KAT6B: variants seen among roughly 807,000 people sequenced by gnomAD.
KAT6B encodes the protein lysine acetyltransferase 6B.
In KAT6B, 10 loss-of-function variants were observed where a neutral mutation model predicts 187.5. The observed-to-expected ratio is 0.05, with a 90% confidence interval of 0.03 to 0.09. The LOEUF (loss-of-function observed/expected upper bound fraction) is 0.09. Among genes scored for constraint, KAT6B ranks in the 10% least tolerant of loss-of-function variants. KAT6B has a pLI of 1.00. For missense variants in KAT6B, 1,952 were observed against 2,558.9 expected, an observed-to-expected ratio of 0.76 and a Z score of 5.12; for synonymous variants, 861 against 926.8, an observed-to-expected ratio of 0.93 and a Z score of 1.29.
intron 3 of KAT6B, among the ~76,000 whole-genome samples, chr10:74,852,911 T>G (rs1208341553): frequency 6.6e-6 from 1 of 152,142 alleles, no homozygotes; most frequent in African/African-American, 2.4e-5. Context: ...GCTAAGAAAA[T>G]CTATATTCTG....
At chr10:74,925,642 A>G (rs2133107455) in intron 3 of KAT6B, among the ~76,000 whole-genome samples, 1 of 152,308 alleles carries the variant, frequency 6.6e-6, no homozygotes, top group Admixed American at 6.5e-5. Flanking sequence ...AAAATTGTCT[A>G]TACAAGTTGA....
intron 1 of KAT6B, among the ~76,000 whole-genome samples, chr10:74,832,101 T>G (rs905424339): frequency 1.3e-5 from 2 of 152,232 alleles, no homozygotes; most frequent in African/African-American, 4.8e-5. Context: ...CCTTAAGTGG[T>G]CCATGGCTGG....
At chr10:74,989,187 C>A (rs1842981432) in intron 13 of KAT6B, 75 bp downstream of exon 13, 2 of 1,015,570 alleles carry the variant, frequency 2.0e-6, no homozygotes, top group Admixed American at 1.7e-5. Context: ...AAATATAAAA[C>A]TTTATTTAAC....
chr10:74,919,091 C>G (rs1386174143), intron 3 of KAT6B, among the ~76,000 whole-genome samples: 1 of 151,136 alleles, frequency 6.6e-6, no homozygotes, highest in Admixed American at 6.6e-5. Flanking sequence ...GGCGTGGTGG[C>G]AGGTGCCTGT....
intron 13 of KAT6B, among the ~76,000 whole-genome samples, chr10:74,990,679 G>T (rs1843079544): frequency 6.6e-6 from 1 of 152,098 alleles, no homozygotes; most frequent in South Asian, 2.1e-4. Context: ...TTTTTATAGA[G>T]TCCTAGCTGT....
At position 74,912,375 on chromosome 10, in the gene KAT6B, G is replaced by GGATAGATAGATAGATAGATA. The variant is rs35051764; in HGVS notation, c.622-47576_622-47557dup. On this transcript the variant is annotated intron_variant, in intron 3 of 17. Coordinates refer to ENST00000287239, the MANE Select transcript of KAT6B (RefSeq NM_012330.4). Reference sequence around the variant, plus strand: ...GGATGGATAGATTAAATGGATGGATGGATAGATAGATAGATAGATAGATAG... The same window carrying GGATAGATAGATAGATAGATA: ...GGATGGATAGATTAAATGGATGGATGGATAGATAGATAGATAGATAGATAGATAGATAGATAGATAGATAG... Among the ~76,000 whole-genome samples, 1,386 of 145,618 alleles carry GGATAGATAGATAGATAGATA rather than the reference G, an allele frequency of 9.5e-3. 12 individuals are homozygous for GGATAGATAGATAGATAGATA. The highest frequency in any genetic ancestry group is 0.012 in the East Asian group (61 of 4,928).
At chr10:74,832,020 C>CTT in intron 1 of KAT6B, among the ~76,000 whole-genome samples, 1 of 152,308 alleles carries the variant, frequency 6.6e-6, no homozygotes, top group South Asian at 2.1e-4. Context: ...ATGTAACATG[C>CTT]CTTAAGTAAA....
intron 3 of KAT6B, among the ~76,000 whole-genome samples, chr10:74,850,336 A>G (rs143855011): frequency 1.1e-3 from 161 of 152,336 alleles, no homozygotes; most frequent in African/African-American, 3.3e-3. Flanking sequence ...AGTAGATACT[A>G]TTTATAATAT....
At chr10:74,877,337 A>G (rs188306869) in intron 3 of KAT6B, among the ~76,000 whole-genome samples, 14 of 152,366 alleles carry the variant, frequency 9.2e-5, no homozygotes, top group Admixed American at 3.9e-4. Flanking sequence ...AAAATGTATC[A>G]AAATAATTTA....
intron 16 of KAT6B, chr10:75,023,891 AGTTTACCT>A (rs1845623439): frequency 6.6e-6 from 1 of 152,180 alleles, no homozygotes; most frequent in South Asian, 2.1e-4. Flanking sequence ...AATTGAATAC[AGTTTACCT>A]GAAGGTTAGC....
intron 11 of KAT6B, 164 bp downstream of exon 11, chr10:74,982,092 C>A (rs1842549917): frequency 1.6e-6 from 1 of 637,330 alleles, no homozygotes. Context: ...GTTTATCTAA[C>A]CATATTAAGC....
intron 3 of KAT6B, among the ~76,000 whole-genome samples, chr10:74,860,865 C>T (rs926435217): frequency 6.6e-6 from 1 of 152,060 alleles, no homozygotes; most frequent in African/African-American, 2.4e-5. Flanking sequence ...GGGCCAGGCG[C>T]AGTGGCTCAC....
At chr10:74,993,982 A>G (rs1843267997) in intron 13 of KAT6B, among the ~76,000 whole-genome samples, 1 of 152,168 alleles carries the variant, frequency 6.6e-6, no homozygotes, top group Non-Finnish European at 1.5e-5. Flanking sequence ...TTCGCTTTGT[A>G]ATCAGTAAGC....
At chr10:74,878,026 C>T (rs1844551599) in intron 3 of KAT6B, among the ~76,000 whole-genome samples, 1 of 152,026 alleles carries the variant, frequency 6.6e-6, no homozygotes, top group African/African-American at 2.4e-5. Context: ...TGATGCTAAA[C>T]CCCTGTCCAA....
In KAT6B at chr10:74,980,623, G is replaced by A. The variant is rs773859766; in HGVS notation, c.2232-1164G>A. 9.2e-5 allele frequency among the ~76,000 whole-genome samples: 14 copies of A among 152,348 alleles called. No individual in the cohort carries two copies. The South Asian group carries it at 1.9e-3, about 20-fold the overall frequency. ...TTGTACATAAGTGCAAGATTTGAAA[G>A]TAGTCTCACCTGTGTCTGCCTCTCT... On this transcript the variant is annotated intron_variant, in intron 10 of 17. Coordinates refer to ENST00000287239, the MANE Select transcript of KAT6B (RefSeq NM_012330.4).
At chr10:75,004,554 G>T (rs1312530764) in intron 13 of KAT6B, among the ~76,000 whole-genome samples, 1 of 152,212 alleles carries the variant, frequency 6.6e-6, no homozygotes, top group Non-Finnish European at 1.5e-5. Flanking sequence ...TTTAGTCCTT[G>T]CCCATAGGGA....
chr10:74,996,539 G>A (rs563926020), intron 13 of KAT6B, among the ~76,000 whole-genome samples: 57 of 152,222 alleles, frequency 3.7e-4, no homozygotes, highest in Middle Eastern at 3.4e-3. Flanking sequence ...GGGAGGCCGA[G>A]GCAGGCAGAT....
intron 3 of KAT6B, among the ~76,000 whole-genome samples, chr10:74,938,229 T>C (rs1302382020): frequency 2.0e-5 from 3 of 152,154 alleles, no homozygotes; most frequent in Admixed American, 6.6e-5. Flanking sequence ...AAATGCAGGA[T>C]TTTGGCCCCA....
At position 74,969,399 on chromosome 10, in the gene KAT6B, G is replaced by A. The variant is rs974219728; in HGVS notation, c.731-261G>A. Among the ~76,000 whole-genome samples the A allele has an allele frequency of 2.6e-5, 4 of 152,108 alleles. No homozygotes were observed. The East Asian group carries it at 5.8e-4, about 22-fold the overall frequency. On this transcript the variant is annotated intron_variant, in intron 4 of 17. Coordinates refer to ENST00000287239, the MANE Select transcript of KAT6B (RefSeq NM_012330.4). ...CTGTGTTATCTTCAAGTTCTCAAAG[G>A]CTTCAGATTGGAATTGGTATAAATT...
Sources: allele counts gnomAD v4.1 joint callset (sites outside exome capture counted in the v4.1 genomes callset), GRCh38; gene constraint gnomAD v4.1.1; transcripts MANE v1.5; gene names NCBI Gene and HGNC (gene_info 2026-07-23, HGNC 2026-07-21).